GABRA2: variants seen among roughly 807,000 people sequenced by gnomAD.
The protein encoded by GABRA2 is gamma-aminobutyric acid type A receptor subunit alpha2.
Under a neutral mutation model 48.7 loss-of-function variants are expected in GABRA2, and 16 were observed. The observed-to-expected ratio is 0.33, with a 90% CI of 0.22 to 0.50. The LOEUF (loss-of-function observed/expected upper bound fraction) is 0.50, where lower values mean the gene tolerates loss of function less well. Among genes scored for constraint, GABRA2 ranks in the 20% least tolerant of loss-of-function variants. GABRA2 has a pLI of 0.98. For missense variants in GABRA2, 275 were observed against 535.6 expected (o/e 0.51, Z 4.80); for synonymous variants, 185 against 184.5 (o/e 1.00, Z -0.02).
intron 1 of GABRA2, chr4:46,389,087 G>T: frequency 6.9e-6 from 7 of 1,015,832 alleles, no homozygotes; most frequent in Non-Finnish European, 8.2e-6. Context: ...GCTGGAAAGG[G>T]AATGGGTTGG....
At chr4:46,357,168 C>T (rs778317836) in intron 3 of GABRA2, among the ~76,000 whole-genome samples, 14 of 151,804 alleles carry the variant, frequency 9.2e-5, no homozygotes, top group Non-Finnish European at 1.8e-4. Context: ...TGTCTATCTG[C>T]AGGCCCCAGA....
At chr4:46,328,459 T>C (rs966637211) in intron 4 of GABRA2, among the ~76,000 whole-genome samples, 15 of 152,042 alleles carry the variant, frequency 9.9e-5, no homozygotes, top group Admixed American at 8.5e-4. Flanking sequence ...GCACACTGAT[T>C]AGAAATAAAA....
intron 8 of GABRA2, among the ~76,000 whole-genome samples, chr4:46,270,366 T>C (rs780353132): frequency 6.6e-6 from 1 of 152,020 alleles, no homozygotes; most frequent in Non-Finnish European, 1.5e-5. Flanking sequence ...CATGACACTA[T>C]AAACAGAGAG....
At chr4:46,361,263 G>T (rs1713134251) in intron 3 of GABRA2, among the ~76,000 whole-genome samples, 1 of 152,074 alleles carries the variant, frequency 6.6e-6, no homozygotes, top group Non-Finnish European at 1.5e-5. Flanking sequence ...GGAAAAATGG[G>T]CCTGGCCGAG....
At chr4:46,290,396 A>G (rs1190938491) in intron 8 of GABRA2, among the ~76,000 whole-genome samples, 1 of 145,326 alleles carries the variant, frequency 6.9e-6, no homozygotes, top group African/African-American at 2.5e-5. Context: ...AAATCTTCCA[A>G]TCTCTTAACG....
intron 4 of GABRA2, among the ~76,000 whole-genome samples, chr4:46,321,676 A>G (rs1729473961): frequency 6.6e-6 from 1 of 151,986 alleles, no homozygotes. Flanking sequence ...GAAAAATAGA[A>G]GTTACTTCCT....
chr4:46,271,057 T>C (rs1006620795), intron 8 of GABRA2, among the ~76,000 whole-genome samples: 16 of 151,466 alleles, frequency 1.1e-4, no homozygotes, highest in African/African-American at 4.8e-5. Context: ...CAAAGGTAGA[T>C]TTAAATCAGA....
At chr4:46,305,735 T>G in intron 6 of GABRA2, 24 bp from the exon 7 acceptor site, 1 of 1,561,446 alleles carries the variant, frequency 6.4e-7, no homozygotes. Flanking sequence ...GAAAAAATAT[T>G]TTAAGCATTT....
chr4:46,319,392 T>A (rs1729073787), intron 4 of GABRA2, among the ~76,000 whole-genome samples: 1 of 151,856 alleles, frequency 6.6e-6, no homozygotes, highest in East Asian at 1.9e-4. Flanking sequence ...CTTGAGTAAA[T>A]TCCAATCAGT....
chr4:46,374,218 T>C (rs1715353208), intron 3 of GABRA2, among the ~76,000 whole-genome samples: 1 of 152,170 alleles, frequency 6.6e-6, no homozygotes, highest in African/African-American at 2.4e-5. Context: ...TCAGCATCTT[T>C]TGCACAAAAT....
chr4:46,256,782 A>T (rs1333628047), intron 9 of GABRA2, among the ~76,000 whole-genome samples: 3 of 151,826 alleles, frequency 2.0e-5, no homozygotes, highest in East Asian at 3.9e-4. Flanking sequence ...ACAAGGCAGG[A>T]TGTTATAAAT....
intron 3 of GABRA2, among the ~76,000 whole-genome samples, chr4:46,342,666 G>T (rs1733466244): frequency 6.6e-6 from 1 of 151,886 alleles, no homozygotes; most frequent in Non-Finnish European, 1.5e-5. Flanking sequence ...TTTATTTTTA[G>T]AGAAAAGGTC....
intron 3 of GABRA2, among the ~76,000 whole-genome samples, chr4:46,351,280 T>C (rs1345971392): frequency 6.6e-6 from 1 of 151,836 alleles, no homozygotes; most frequent in Non-Finnish European, 1.5e-5. Flanking sequence ...ATAGAAGAAA[T>C]TTAACAAAGA....
At chr4:46,253,915 A>G (rs956020014) in intron 9 of GABRA2, among the ~76,000 whole-genome samples, 1 of 151,536 alleles carries the variant, frequency 6.6e-6, no homozygotes, top group East Asian at 1.9e-4. Flanking sequence ...CTGCAAATCT[A>G]TAGTAAAGCA....
At chr4:46,272,935 G>A (rs1420153309) in intron 8 of GABRA2, among the ~76,000 whole-genome samples, 1 of 151,882 alleles carries the variant, frequency 6.6e-6, no homozygotes, top group Non-Finnish European at 1.5e-5. Flanking sequence ...TGGGGTACGT[G>A]TGCAGAATGT....
intron 3 of GABRA2, among the ~76,000 whole-genome samples, chr4:46,372,823 C>T (rs1036676276): frequency 2.6e-5 from 4 of 152,052 alleles, no homozygotes; most frequent in Non-Finnish European, 4.4e-5. Context: ...AGTGTTACAC[C>T]ACCCTCTCTA....
chr4:46,284,696 G>A (rs1219747926), intron 8 of GABRA2, among the ~76,000 whole-genome samples: 2 of 151,950 alleles, frequency 1.3e-5, no homozygotes, highest in African/African-American at 4.8e-5. Flanking sequence ...TGTCTTATTT[G>A]CTCTGTTCTA....
intron 8 of GABRA2, among the ~76,000 whole-genome samples, chr4:46,280,240 G>A (rs1721274576): frequency 6.6e-6 from 1 of 152,078 alleles, no homozygotes; most frequent in South Asian, 2.1e-4. Context: ...TTTTAAGTCA[G>A]GTTGGAAAAT....
At chr4:46,373,644 G>T (rs1305739353) in intron 3 of GABRA2, among the ~76,000 whole-genome samples, 1 of 152,028 alleles carries the variant, frequency 6.6e-6, no homozygotes, top group Non-Finnish European at 1.5e-5. Context: ...ATGATAAAAG[G>T]ATCCTCAGTT....
Sources: gnomAD v4.1 joint callset for allele counts (sites outside exome capture counted in the v4.1 genomes callset) on GRCh38, gnomAD v4.1.1 for gene constraint, MANE v1.5 for transcripts, NCBI Gene and HGNC (gene_info 2026-07-23, HGNC 2026-07-21) for gene names.